The following EIF4G3 variants were observed in gnomAD, a reference collection of about 807,000 sequenced individuals.
The protein encoded by EIF4G3 is eIF-4-gamma 3.
A neutral mutation model predicts 186.4 loss-of-function variants in EIF4G3; 34 were observed. That is an observed-to-expected ratio of 0.18 (90% CI 0.14 to 0.24). The LOEUF (loss-of-function observed/expected upper bound fraction) is 0.24, where lower values mean the gene tolerates loss of function less well. EIF4G3 is among the 10% of genes least tolerant of loss of function. The pLI, the probability that EIF4G3 is intolerant of heterozygous loss-of-function variation, is 1.00. For missense variants in EIF4G3, 1,536 were observed against 1,948.5 expected (o/e 0.79, Z 3.99); for synonymous variants, 673 against 679.5 (o/e 0.99, Z 0.15).
At chr1:21,039,451 G>C (rs1435386795) in intron 4 of EIF4G3, among the ~76,000 whole-genome samples, 1 of 152,186 alleles carries the variant, frequency 6.6e-6, no homozygotes, top group Non-Finnish European at 1.5e-5. Context: ...TGTTTTCTTA[G>C]ATATGACACC....
chr1:20,815,492 G>A (rs1457862858), intron 34 of EIF4G3, among the ~76,000 whole-genome samples: 1 of 151,714 alleles, frequency 6.6e-6, no homozygotes, highest in East Asian at 1.9e-4. Flanking sequence ...GGGAGGTGAG[G>A]AGCGTCTCTG....
At chr1:21,045,526 T>C (rs1348854314) in intron 4 of EIF4G3, among the ~76,000 whole-genome samples, 1 of 152,196 alleles carries the variant, frequency 6.6e-6, no homozygotes, top group Non-Finnish European at 1.5e-5. Flanking sequence ...ATTACCTCAC[T>C]TCTTTGGCAT....
intron 10 of EIF4G3, among the ~76,000 whole-genome samples, chr1:20,975,871 A>G (rs949175185): frequency 1.1e-4 from 17 of 151,894 alleles, no homozygotes; most frequent in African/African-American, 4.1e-4. Flanking sequence ...GTTTTATTGG[A>G]AGACACCCAC....
Position 20,980,417 on chromosome 1 carries a change from G to C in EIF4G3, c.410C>G (p.Pro137Arg), listed in dbSNP as rs147841357. ...YRHSGPPYVGPPQQYPVQPPG... is the reference protein window; with the variant it reads ...YRHSGPPYVGRPQQYPVQPPG... ...TGGTTGAACTGGATATTGTTGGGGG[G>C]GCCCAACATAAGGAGGGCCACTATG... The change falls in exon 10 of 37, where the codon CCC (proline) becomes CGC (arginine). Residue 137 changes from proline to arginine, a missense_variant. By Grantham distance (103) the Pro-to-Arg change is moderately radical. Coordinates refer to ENST00000602326, the MANE Select transcript of EIF4G3 (RefSeq NM_001391906.1). 2 of 1,543,422 alleles carry C rather than the reference G, an allele frequency of 1.3e-6. No individual in the cohort carries two copies. Among genetic ancestry groups the C allele is most frequent in the Non-Finnish European group, 1.7e-6 (2 of 1,156,228 alleles).
In EIF4G3 at chr1:21,044,728, G is replaced by A. The variant is rs112948806; in HGVS notation, c.-67+6138C>T. Among the ~76,000 whole-genome samples, 933 of 150,568 alleles carry A rather than the reference G, an allele frequency of 6.2e-3. 8 individuals carry two copies. The highest frequency in any genetic ancestry group is 0.022 in the African/African-American group (898 of 40,746). On this transcript the variant is annotated intron_variant, in intron 4 of 36. Transcript: ENST00000602326. ...AATGGTGTGATCCCAGCTCACTGCA[G>A]CCTTAACATCCCAGTCTCAAGCGAT...
intron 10 of EIF4G3, among the ~76,000 whole-genome samples, chr1:20,977,696 A>G (rs555563482): frequency 6.6e-6 from 1 of 152,328 alleles, no homozygotes; most frequent in Admixed American, 6.5e-5. Flanking sequence ...TCTGAGATAC[A>G]ATTATACCTC....
At chr1:20,901,882 A>T (rs554946266) in intron 15 of EIF4G3, among the ~76,000 whole-genome samples, 1 of 152,344 alleles carries the variant, frequency 6.6e-6, no homozygotes, top group South Asian at 2.1e-4. Flanking sequence ...GGAATCTGTT[A>T]AGAATTCACT....
rs558645132 is a variant in EIF4G3, at chr1:20,950,172, T to A, written c.715-61A>T. Reference sequence around the variant, plus strand: ...CGTGCGAACATAAAAACTAGCAACATGGAACCCAAGCAAGTAGGGAAGACA... The same window carrying A: ...CGTGCGAACATAAAAACTAGCAACAAGGAACCCAAGCAAGTAGGGAAGACA... On this transcript the variant is annotated intron_variant, in intron 12 of 36. Transcript: ENST00000602326. 2.3e-6 allele frequency: 3 copies of A among 1,298,138 alleles called. No individual in the cohort carries two copies. In the East Asian group the frequency reaches 7.5e-5, roughly 32 times the overall value. The allele number at this position is 1,298,138 out of a possible 1,614,324, so 80.4% of individuals were successfully genotyped here. A position where few individuals can be genotyped will look rare whatever the true frequency, so the allele number is the denominator to read the frequency against.
At chr1:20,816,953 G>A (rs2061150969) in intron 34 of EIF4G3, among the ~76,000 whole-genome samples, 1 of 144,422 alleles carries the variant, frequency 6.9e-6, no homozygotes, top group Non-Finnish European at 1.5e-5. Context: ...CCCCAACCCT[G>A]TGCTCTCTGA....
At position 20,817,271 on chromosome 1, in the gene EIF4G3, A is replaced by T. The variant is rs1164996257; in HGVS notation, c.4515+121T>A. On this transcript the variant is annotated intron_variant, in intron 34 of 36. Coordinates refer to ENST00000602326, the MANE Select transcript of EIF4G3 (RefSeq NM_001391906.1). ...AAAAAAATAAATAAATAAAAAAATA[A>T]ATAAATAAAAAAAAATAAAAATAAA... is the stretch of plus-strand genomic sequence containing the variant. The T allele has an allele frequency of 3.9e-5, 13 of 331,042 alleles. No individual in the cohort carries two copies. The East Asian group carries it at 1.2e-3, about 32-fold the overall frequency. 20.5% of individuals were successfully genotyped at this position (331,042 alleles called of 1,614,324 possible).
chr1:21,131,322 A>G (rs923972581), intron 2 of EIF4G3, among the ~76,000 whole-genome samples: 4 of 74,526 alleles, frequency 5.4e-5, no homozygotes, highest in Non-Finnish European at 7.2e-5. Flanking sequence ...CATAGGGAAG[A>G]AAAAAAAAAA....
chr1:20,970,775 C>A (rs1485104785), intron 11 of EIF4G3, among the ~76,000 whole-genome samples: 1 of 152,082 alleles, frequency 6.6e-6, no homozygotes, highest in Non-Finnish European at 1.5e-5. Flanking sequence ...ACCAGCCTGG[C>A]CAACATGGTG....
intron 14 of EIF4G3, among the ~76,000 whole-genome samples, chr1:20,940,141 C>G (rs1009415868): frequency 6.6e-6 from 1 of 152,114 alleles, no homozygotes; most frequent in Non-Finnish European, 1.5e-5. Context: ...CAGGCATGAG[C>G]CACTGCACCC....
intron 4 of EIF4G3, among the ~76,000 whole-genome samples, chr1:21,032,100 A>G (rs2092794750): frequency 1.3e-5 from 2 of 152,204 alleles, no homozygotes; most frequent in Admixed American, 1.3e-4. Context: ...CATAAATCCT[A>G]TTTACCAAAA....
chr1:21,153,564 T>C (rs763660634), intron 2 of EIF4G3, among the ~76,000 whole-genome samples: 2 of 152,002 alleles, frequency 1.3e-5, no homozygotes, highest in Admixed American at 1.3e-4. Flanking sequence ...TTTTTTTTGT[T>C]TGTTTGTTTG....
At chr1:21,132,344 T>C (rs1180029832) in intron 2 of EIF4G3, among the ~76,000 whole-genome samples, 4 of 152,084 alleles carry the variant, frequency 2.6e-5, no homozygotes, top group Non-Finnish European at 5.9e-5. Context: ...TTGCTTTAAT[T>C]AAAGCAACAA....
intron 6 of EIF4G3, among the ~76,000 whole-genome samples, chr1:20,998,103 TAACA>T (rs2082690680): frequency 6.6e-6 from 1 of 151,974 alleles, no homozygotes; most frequent in Non-Finnish European, 1.5e-5. Context: ...GTAAAAAACG[TAACA>T]CAATTAACTG....
intron 17 of EIF4G3, 56 bp from the exon 18 acceptor site, chr1:20,893,692 A>G: frequency 9.1e-6 from 13 of 1,424,244 alleles, no homozygotes; most frequent in Non-Finnish European, 1.2e-5. Flanking sequence ...TCCCTGCCAC[A>G]AAAGATAACA....
chr1:20,862,184 G>A (rs1316954135), intron 23 of EIF4G3, 44 bp downstream of exon 23: 2 of 1,211,244 alleles, frequency 1.7e-6, no homozygotes, highest in Admixed American at 2.0e-5. Flanking sequence ...TTCCTTTAAA[G>A]AGACTGGACC....
Sources: allele counts gnomAD v4.1 joint callset (sites outside exome capture counted in the v4.1 genomes callset), GRCh38; gene constraint gnomAD v4.1.1; transcripts MANE v1.5; gene names NCBI Gene and HGNC (gene_info 2026-07-23, HGNC 2026-07-21).